Variants in OGFOD3 observed in about 807,000 individuals in gnomAD.
The protein encoded by OGFOD3 is 2-oxoglutarate and iron dependent oxygenase domain containing 3.
A neutral mutation model predicts 39.8 loss-of-function variants in OGFOD3; 35 were observed. That is an observed-to-expected ratio of 0.88 (90% confidence interval 0.67 to 1.17). OGFOD3 has a LOEUF of 1.17. Ranked by LOEUF, OGFOD3 falls within the 50% of genes most tolerant of loss-of-function variation. The pLI is 0.00. For missense variants in OGFOD3, 438 were observed against 454.5 expected, an observed-to-expected ratio of 0.96 and a Z score of 0.33; for synonymous variants, 200 against 192.0, an observed-to-expected ratio of 1.04 and a Z score of -0.34.
intron 4 of OGFOD3, among the ~76,000 whole-genome samples, chr17:82,407,597 C>T (rs926254624): frequency 3.3e-5 from 5 of 152,228 alleles, no homozygotes; most frequent in African/African-American, 9.6e-5. Flanking sequence ...TTCCAGCCCA[C>T]GTTAGTCATC....
chr17:82,407,872 G>A (rs2052879824), intron 4 of OGFOD3, among the ~76,000 whole-genome samples: 1 of 152,228 alleles, frequency 6.6e-6, no homozygotes, highest in South Asian at 2.1e-4. Flanking sequence ...GCCGGGCACG[G>A]TGGTTCACAC....
rs935416315 is a variant in OGFOD3 at position 82,404,745 on chromosome 17, T to C, written c.545+579A>G. ...CAGAATTTTTTCTTTTCTTTTCTTT[T>C]TTTTTTTTTTTTTTGAGATGAGGCT... is the stretch of plus-strand genomic sequence containing the variant. On this transcript the variant is annotated intron_variant, in intron 6 of 8. Coordinates refer to ENST00000313056, the MANE Select transcript of OGFOD3 (RefSeq NM_024648.3). This position sits in a 1 kb window ranked among gnomAD's most constrained non-coding sequence, Gnocchi z 4.5. Among the ~76,000 whole-genome samples the C allele has an allele frequency of 5.4e-5, 8 of 148,680 alleles. No homozygotes were observed. The highest frequency in any genetic ancestry group is 1.0e-4 in the Non-Finnish European group (7 of 66,900).
At chr17:82,411,412 T>G in intron 3 of OGFOD3, 43 bp downstream of exon 3, 4 of 1,556,682 alleles carry the variant, frequency 2.6e-6, no homozygotes, top group Non-Finnish European at 2.7e-6. Context: ...CCACTCCGCG[T>G]GTGTTTGTTT....
rs369496094 is a variant in OGFOD3 at position 82,392,906 on chromosome 17, T to C, written c.824-372A>G. 8.1e-4 allele frequency: 161 copies of C among 198,130 alleles called. No individual in the cohort carries two copies. Among genetic ancestry groups the C allele is most frequent in the African/African-American group, 3.6e-3 (156 of 43,188 alleles). 12.3% of individuals were successfully genotyped at this position (198,130 alleles called of 1,614,324 possible). A position where few individuals can be genotyped will look rare whatever the true frequency, so the allele number is the denominator to read the frequency against. On this transcript the variant is annotated intron_variant, in intron 8 of 8. Transcript: ENST00000313056. The surrounding 1 kb of genome is among the most constrained non-coding windows in gnomAD (Gnocchi z 4.2). The stretch of plus-strand genomic sequence containing the variant: ...CATGGGCCTTCCAGATCTGACACTT[T>C]AGGATCTTATTTCTAATCACAGGTT...
intron 2 of OGFOD3, 27 bp from the exon 3 acceptor site, chr17:82,411,557 G>T: frequency 6.2e-7 from 1 of 1,605,902 alleles, no homozygotes; most frequent in Non-Finnish European, 8.5e-7. Context: ...AGGGTGAGAC[G>T]CAGTTTCCAA....
chr17:82,394,545 TG>T, intron 8 of OGFOD3: 1 of 1,607,708 alleles, frequency 6.2e-7, no homozygotes, highest in Non-Finnish European at 8.5e-7. Context: ...AAAAACATCC[TG>T]GGGACACAGG....
chr17:82,398,887 T>TTC (rs2052720090), intron 7 of OGFOD3, among the ~76,000 whole-genome samples: 1 of 30,266 alleles, frequency 3.3e-5, no homozygotes, highest in Non-Finnish European at 7.4e-5. Context: ...TTTTCTTTTC[T>TTC]ATTTTTTTTT....
In OGFOD3 at chr17:82,404,743, T is replaced by G. The variant is rs2052827479; in HGVS notation, c.545+581A>C. On this transcript the variant is annotated intron_variant, in intron 6 of 8. Transcript: ENST00000313056. This position sits in a 1 kb window ranked among gnomAD's most constrained non-coding sequence, Gnocchi z 4.5. ...AGCAGAATTTTTTCTTTTCTTTTCT[T>G]TTTTTTTTTTTTTTTTGAGATGAGG... is the stretch of plus-strand genomic sequence containing the variant. 1.5e-5 allele frequency among the ~76,000 whole-genome samples: 2 copies of G among 135,796 alleles called. No homozygotes were observed. The highest frequency in any genetic ancestry group is 1.5e-5 in the Non-Finnish European group (1 of 65,594). 89.1% of individuals were successfully genotyped at this position (135,796 alleles called of 152,430 possible).
chr17:82,405,324 C>CG lies in OGFOD3; in HGVS notation c.544dup (p.Arg182ProfsTer13). The stretch of plus-strand genomic sequence containing the variant: ...CCCCACCCGCCTCACTCCTCCTTAC[C>CG]GGTATAACCGGAAGTCCTCCTCTGA... On this transcript the variant is annotated frameshift_variant and splice_region_variant, in exon 6 of 9. Transcript: ENST00000313056. LOFTEE classifies it high-confidence loss of function. The CG allele has an allele frequency of 6.2e-7, 1 of 1,613,892 alleles. No individual in the cohort carries two copies. Among genetic ancestry groups the CG allele is most frequent in the South Asian group, 1.1e-5 (1 of 91,086 alleles).
intron 7 of OGFOD3, among the ~76,000 whole-genome samples, chr17:82,401,813 A>AAAAAAAAAAAAAAAAAAAAAC (rs1403008054): frequency 6.7e-6 from 1 of 149,378 alleles, no homozygotes; most frequent in African/African-American, 2.5e-5. Context: ...CAAAAAAAAA[A>AAAAAAAAAAAAAAAAAAAAAC]AAAAAAAAAA....
intron 1 of OGFOD3, among the ~76,000 whole-genome samples, chr17:82,417,712 T>C (rs2053088665): frequency 6.6e-6 from 1 of 151,748 alleles, no homozygotes; most frequent in Non-Finnish European, 1.5e-5. Flanking sequence ...GAAAAAGGGA[T>C]AAAAATCTCA....
intron 5 of OGFOD3, among the ~76,000 whole-genome samples, chr17:82,405,764 A>G (rs111339171): frequency 0.034 from 5,163 of 151,982 alleles, 258 homozygotes; most frequent in African/African-American, 0.12. Context: ...ATCCTGGCCA[A>G]CATGGCACAA....
chr17:82,402,825 C>T (rs926447116), intron 7 of OGFOD3, among the ~76,000 whole-genome samples: 6 of 151,760 alleles, frequency 4.0e-5, no homozygotes, highest in Non-Finnish European at 5.9e-5. Context: ...GAGGCTGAGG[C>T]GGGAGGATTG....
chr17:82,410,313 C>T (rs1277279255), intron 3 of OGFOD3, among the ~76,000 whole-genome samples: 1 of 152,244 alleles, frequency 6.6e-6, no homozygotes. Context: ...GGGAGAATCT[C>T]AGGGCAGGGC....
intron 7 of OGFOD3, among the ~76,000 whole-genome samples, chr17:82,403,390 G>A (rs1434209279): frequency 6.6e-6 from 1 of 152,186 alleles, no homozygotes; most frequent in Non-Finnish European, 1.5e-5. Flanking sequence ...CCAGCACTTT[G>A]GGGGGCCAAG....
rs374351887 is a variant in OGFOD3 at position 82,405,324 on chromosome 17, C to T, written c.545G>A (p.Arg182Gln). 43 of 1,613,774 alleles carry T rather than the reference C, an allele frequency of 2.7e-5. No individual in the cohort carries two copies. Among genetic ancestry groups the T allele is most frequent in the Middle Eastern group, 1.6e-4 (1 of 6,084 alleles). ...IFSEEDFRLY[R>Q]EVRQKVQLTI... ...CCCCACCCGCCTCACTCCTCCTTAC[C>T]GGTATAACCGGAAGTCCTCCTCTGA... is the stretch of plus-strand genomic sequence containing the variant. Residue 182 changes from arginine to glutamine, a missense_variant and splice_region_variant, in exon 6 of 9, where the codon CGG becomes CAG. Transcript: ENST00000313056.
chr17:82,407,920 G>C (rs981829619), intron 4 of OGFOD3, among the ~76,000 whole-genome samples: 24 of 152,134 alleles, frequency 1.6e-4, no homozygotes, highest in African/African-American at 5.6e-4. Flanking sequence ...AGGCAGGTGG[G>C]TCACCTGAGC....
At chr17:82,412,340 C>T (rs1175124969) in intron 2 of OGFOD3, among the ~76,000 whole-genome samples, 2 of 117,536 alleles carry the variant, frequency 1.7e-5, no homozygotes, top group Non-Finnish European at 3.5e-5. Flanking sequence ...GCATGGTTAT[C>T]GGGGCAGGGG....
intron 1 of OGFOD3, 33 bp downstream of exon 1, chr17:82,418,379 C>G: frequency 6.9e-7 from 1 of 1,444,536 alleles, no homozygotes; most frequent in East Asian, 3.0e-5. Context: ...TGTCCGCCGC[C>G]GCAGCGCGCG....
Sources: allele counts gnomAD v4.1 joint callset (sites outside exome capture counted in the v4.1 genomes callset), GRCh38; gene constraint gnomAD v4.1.1; non-coding constraint Gnocchi (gnomAD v3.1); transcripts MANE v1.5; gene names NCBI Gene and HGNC (gene_info 2026-07-23, HGNC 2026-07-21).